The following SCNM1 variants were observed in gnomAD, a reference collection of about 807,000 sequenced individuals.
The protein encoded by SCNM1 is sodium channel modifier 1.
Under a neutral mutation model 32.8 loss-of-function variants are expected in SCNM1, and 24 were observed. The observed-to-expected ratio is 0.73, with a 90% CI of 0.53 to 1.03. The LOEUF (loss-of-function observed/expected upper bound fraction) is 1.03. Among genes scored for constraint, SCNM1 ranks in the 50% least tolerant of loss-of-function variants. SCNM1 has a pLI of 0.00. For synonymous variants in SCNM1, 99 were observed against 103.2 expected, an observed-to-expected ratio of 0.96 and a Z score of 0.25; for missense variants, 274 against 282.3, an observed-to-expected ratio of 0.97 and a Z score of 0.21.
chr1:151,166,404 A>G, intron 1 of SCNM1, 67 bp from the exon 2 acceptor site: 3 of 1,600,622 alleles, frequency 1.9e-6, no homozygotes, highest in Non-Finnish European at 2.6e-6. Flanking sequence ...CATTTCTATA[A>G]TTTCACTTCC....
Position 151,167,176 on chromosome 1 carries a change from A to G in SCNM1, c.267A>G (p.Pro89=), listed in dbSNP as rs377190036. 4.3e-6 allele frequency: 7 copies of G among 1,614,128 alleles called. No individual in the cohort carries two copies. Among genetic ancestry groups the G allele is most frequent in the Non-Finnish European group, 5.1e-6 (6 of 1,180,050 alleles). The change falls in exon 4 of 7, where the codon CCA becomes CCG. Residue 89 remains proline (P), a synonymous_variant. Transcript: ENST00000368905. ...KQPGKERKQN[P]KHQNELRREE... ...CGGGAAAGGAAAGAAAGCAGAATCC[A>G]AAACATCAGAATGAATTGAGAAGGG...
At position 151,167,369 on chromosome 1, in the gene SCNM1, T is replaced by C. The variant is rs775341594; in HGVS notation, c.353T>C (p.Leu118Pro). The C allele has an allele frequency of 6.2e-7, 1 of 1,614,170 alleles. No homozygotes were observed. The highest frequency in any genetic ancestry group is 8.5e-7 in the Non-Finnish European group (1 of 1,180,028). ...ACACGACTTATCACCCAGAGTGCTC[T>C]GCACAGAGCTCCCCACTATAACAGT... ...TQTRLITQSA[L>P]HRAPHYNSCC... Residue 118 changes from leucine (L) to proline (P), a missense_variant, in exon 5 of 7, where the codon CTG (leucine) becomes CCG (proline). Coordinates refer to ENST00000368905, the MANE Select transcript of SCNM1 (RefSeq NM_024041.4).
Position 151,166,745 on chromosome 1 carries a change from T to C in SCNM1, c.123-189T>C. 4 of 1,222,916 alleles carry C rather than the reference T, an allele frequency of 3.3e-6. No homozygotes were observed. The East Asian group carries it at 7.6e-5, about 23-fold the overall frequency. 75.8% of individuals were successfully genotyped at this position (1,222,916 alleles called of 1,614,324 possible). A position where few individuals can be genotyped will look rare whatever the true frequency, so the allele number is the denominator to read the frequency against. On this transcript the variant is annotated intron_variant, in intron 2 of 6. Transcript: ENST00000368905. ...CACCACGCCTGGCTTCAACAAACTT[T>C]TGTTATTAATTAGGACAGCAGGAGT... is the stretch of plus-strand genomic sequence containing the variant.
chr1:151,166,668 A>C (rs1044168216), intron 2 of SCNM1, 127 bp downstream of exon 2: 4 of 1,438,646 alleles, frequency 2.8e-6, no homozygotes, highest in Admixed American at 2.4e-5. Context: ...TCTAGGGCTC[A>C]AGTGATCCTG....
chr1:151,169,858 C>T lies in SCNM1; in HGVS notation c.*773C>T. ...AAGGGAGGGAACACCCCCACCTCCT[C>T]CTAGTAACCTGAACCTCCCTGCCTG... On this transcript the variant is annotated 3_prime_UTR_variant, in exon 7 of 7. Transcript: ENST00000368905. 3.5e-6 allele frequency: 2 copies of T among 564,804 alleles called. No homozygotes were observed. The highest frequency in any genetic ancestry group is 6.3e-6 in the Non-Finnish European group (2 of 315,466). 35.0% of individuals were successfully genotyped at this position (564,804 alleles called of 1,614,324 possible).
intron 2 of SCNM1, 37 bp from the exon 3 acceptor site, chr1:151,166,897 C>T: frequency 6.2e-7 from 1 of 1,612,994 alleles, no homozygotes; most frequent in Non-Finnish European, 8.5e-7. Flanking sequence ...AACCCTCTTC[C>T]CCTGGACCAC....
At chr1:151,168,628 G>A (rs746244089) in intron 6 of SCNM1, among the ~76,000 whole-genome samples, 6 of 151,826 alleles carry the variant, frequency 4.0e-5, no homozygotes, top group South Asian at 2.1e-4. Context: ...GGCTGGCCTC[G>A]AACTCCTGAC....
In SCNM1 at chr1:151,170,020, G is replaced by A; in HGVS notation, c.*935G>A. On this transcript the variant is annotated 3_prime_UTR_variant, in exon 7 of 7. Transcript: ENST00000368905. Reference sequence around the variant, plus strand: ...AGGGCTTTTATTTACAGGAAAGGAGGACAGATGAGGATTTAAGTGTCCAGT... The same window carrying A: ...AGGGCTTTTATTTACAGGAAAGGAGAACAGATGAGGATTTAAGTGTCCAGT... 6.3e-7 allele frequency: 1 copy of A among 1,589,012 alleles called. No individual in the cohort carries two copies. The highest frequency in any genetic ancestry group is 1.7e-5 in the Admixed American group (1 of 59,820).
At position 151,169,260 on chromosome 1, in the gene SCNM1, T is replaced by G. The variant is rs895897366; in HGVS notation, c.*175T>G. The G allele has an allele frequency of 5.6e-5, 35 of 624,426 alleles. No homozygotes were observed. The highest frequency in any genetic ancestry group is 4.7e-4 in the Middle Eastern group (1 of 2,118). The allele number at this position is 624,426 out of a possible 1,614,324, so 38.7% of individuals were successfully genotyped here. The stretch of plus-strand genomic sequence containing the variant: ...CACTCCTTTTTTTTTTTTTTTTTTT[T>G]TTGAGGCAGAGTCTCGCTCTATCGC... On this transcript the variant is annotated 3_prime_UTR_variant, in exon 7 of 7. Coordinates refer to ENST00000368905, the MANE Select transcript of SCNM1 (RefSeq NM_024041.4).
rs5777765 is a variant in SCNM1 at position 151,169,240 on chromosome 1, CTTT to C, written c.*175_*177del. ...GCAAGGTACACAGCTCTCCACACTC[CTTT>C]TTTTTTTTTTTTTTTTTTTGAGGCA... On this transcript the variant is annotated 3_prime_UTR_variant, in exon 7 of 7. Transcript: ENST00000368905. 8,748 of 279,882 alleles carry C rather than the reference CTTT, an allele frequency of 0.031. No homozygotes were observed. Among genetic ancestry groups the C allele is most frequent in the Middle Eastern group, 0.053 (43 of 810 alleles). 17.3% of individuals were successfully genotyped at this position (279,882 alleles called of 1,614,324 possible).
Position 151,168,196 on chromosome 1 carries a change from G to T in SCNM1, c.451G>T (p.Val151Phe). ...VSLSPMPPSE[V>F]KLQSGKISRE... ...CCTTTCCCCTATGCCACCCTCAGAGGTCAAACTCCAAAGTGGGAAGATCAG... is the reference window on the plus strand; with the variant it reads ...CCTTTCCCCTATGCCACCCTCAGAGTTCAAACTCCAAAGTGGGAAGATCAG... The change falls in exon 6 of 7, where the codon GTC becomes TTC. Residue 151 changes from valine to phenylalanine, a missense_variant. Transcript: ENST00000368905. 1.2e-6 allele frequency: 2 copies of T among 1,614,098 alleles called. No individual in the cohort carries two copies. The highest frequency in any genetic ancestry group is 1.7e-6 in the Non-Finnish European group (2 of 1,180,020).
At chr1:151,166,302 G>A in intron 1 of SCNM1, 99 bp downstream of exon 1, 2 of 1,543,730 alleles carry the variant, frequency 1.3e-6, no homozygotes, top group South Asian at 2.4e-5. Flanking sequence ...CGGGGGTGCA[G>A]GAGAGAACCA....
At chr1:151,167,872 G>C (rs1176977751) in intron 5 of SCNM1, 2 of 363,976 alleles carry the variant, frequency 5.5e-6, no homozygotes, top group Non-Finnish European at 9.8e-6. Context: ...GGAGAATTTT[G>C]TGATTTTTAA....
chr1:151,166,158 T>C lies in SCNM1; in HGVS notation c.6T>C (p.Ser2=). Residue 2 remains serine (S), a synonymous_variant, in exon 1 of 7, where the codon TCT becomes TCC. Coordinates refer to ENST00000368905, the MANE Select transcript of SCNM1 (RefSeq NM_024041.4). ...TTCTGGGACTCACAGTCGTGATGTC[T>C]TTCAAGAGGGAAGGAGACGATTGGA... The part of the protein sequence containing the change: M[S]FKREGDDWSQ... 1 of 1,606,138 alleles carries C rather than the reference T, an allele frequency of 6.2e-7. No homozygotes were observed. Among genetic ancestry groups the C allele is most frequent in the Non-Finnish European group, 8.5e-7 (1 of 1,175,652 alleles).
chr1:151,169,171 A>C lies in SCNM1; in HGVS notation c.*86A>C. On this transcript the variant is annotated 3_prime_UTR_variant, in exon 7 of 7. Transcript: ENST00000368905. ...TAAGTCTGGTTCCTTGTTGGATCTC[A>C]GGATTTCAGATCTGTTCATTCTCAT... 114 of 1,476,030 alleles carry C rather than the reference A, an allele frequency of 7.7e-5. No individual in the cohort carries two copies. Among genetic ancestry groups the C allele is most frequent in the Non-Finnish European group, 8.9e-5 (95 of 1,067,342 alleles). 91.4% of individuals were successfully genotyped at this position (1,476,030 alleles called of 1,614,324 possible). A position where few individuals can be genotyped will look rare whatever the true frequency, so the allele number is the denominator to read the frequency against.
At position 151,166,748 on chromosome 1, in the gene SCNM1, T is replaced by C. The variant is rs1683723790; in HGVS notation, c.123-186T>C. 3.3e-6 allele frequency: 4 copies of C among 1,226,738 alleles called. No individual in the cohort carries two copies. The East Asian group carries it at 7.6e-5, about 23-fold the overall frequency. 76.0% of individuals were successfully genotyped at this position (1,226,738 alleles called of 1,614,324 possible). On this transcript the variant is annotated intron_variant, in intron 2 of 6. Coordinates refer to ENST00000368905, the MANE Select transcript of SCNM1 (RefSeq NM_024041.4). The stretch of plus-strand genomic sequence containing the variant: ...CACGCCTGGCTTCAACAAACTTTTG[T>C]TATTAATTAGGACAGCAGGAGTACC...
chr1:151,167,085 TG>T, intron 3 of SCNM1, 35 bp from the exon 4 acceptor site: 1 of 1,614,182 alleles, frequency 6.2e-7, no homozygotes, highest in Non-Finnish European at 8.5e-7. Context: ...CCACTCTTGG[TG>T]CTATGCTTTT....
In SCNM1 at chr1:151,169,680, C is replaced by T. The variant is rs1683881590; in HGVS notation, c.*595C>T. 4.6e-6 allele frequency: 1 copy of T among 217,476 alleles called. No homozygotes were observed. The highest frequency in any genetic ancestry group is 2.3e-5 in the African/African-American group (1 of 43,306). 13.5% of individuals were successfully genotyped at this position (217,476 alleles called of 1,614,324 possible). A position where few individuals can be genotyped will look rare whatever the true frequency, so the allele number is the denominator to read the frequency against. ...CCTTCATGTTGTCTGCCTGCTTCTC[C>T]ACTACCACTCAAAGTCCTTTCCCCC... On this transcript the variant is annotated 3_prime_UTR_variant, in exon 7 of 7. Transcript: ENST00000368905.
Position 151,166,992 on chromosome 1 carries a change from G to A in SCNM1, c.181G>A (p.Ala61Thr). Residue 61 changes from alanine to threonine, a missense_variant, in exon 3 of 7, where the codon GCC (alanine) becomes ACC (threonine). By Grantham distance (58) the Ala-to-Thr change is moderately conservative. Coordinates refer to ENST00000368905, the MANE Select transcript of SCNM1 (RefSeq NM_024041.4). ...ACTGGACACCCTGGCCATGCTGACT[G>A]CCCACCGTGCAGGCAAGAAACATCT... ...PVLDTLAMLT[A>T]HRAGKKHLSS... The A allele has an allele frequency of 6.2e-7, 1 of 1,614,140 alleles. No homozygotes were observed. Among genetic ancestry groups the A allele is most frequent in the Non-Finnish European group, 8.5e-7 (1 of 1,180,038 alleles).
Sources: gnomAD v4.1 joint callset for allele counts (sites outside exome capture counted in the v4.1 genomes callset) on GRCh38, gnomAD v4.1.1 for gene constraint, MANE v1.5 for transcripts, NCBI Gene and HGNC (gene_info 2026-07-23, HGNC 2026-07-21) for gene names.